The following FGGY variants were observed in gnomAD, a reference collection of about 807,000 sequenced individuals.
The protein encoded by FGGY is FGGY carbohydrate kinase domain-containing protein.
Under a neutral mutation model 71.3 loss-of-function variants are expected in FGGY, and 72 were observed. The ratio of observed to expected loss-of-function variants is 1.01; its 90% CI spans 0.84 to 1.23. The LOEUF is 1.23. Ranked by LOEUF, FGGY falls within the 50% of genes most tolerant of loss-of-function variation. FGGY has a pLI of 0.00. For synonymous variants in FGGY, 251 were observed against 250.3 expected (o/e 1.00, Z -0.02); for missense variants, 668 against 682.3 (o/e 0.98, Z 0.23).
At chr1:59,617,222 G>T (rs2096764617) in intron 9 of FGGY, among the ~76,000 whole-genome samples, 1 of 151,512 alleles carries the variant, frequency 6.6e-6, no homozygotes, top group Non-Finnish European at 1.5e-5. Context: ...GACGGGAAGT[G>T]AGAAAACAGA....
chr1:59,635,973 TG>T (rs1469954123), intron 10 of FGGY, among the ~76,000 whole-genome samples: 3 of 152,222 alleles, frequency 2.0e-5, no homozygotes, highest in Admixed American at 6.5e-5. Flanking sequence ...TGTATGTTAG[TG>T]GTACCTCCCC....
At chr1:59,690,937 GTCA>G (rs757586663) in intron 14 of FGGY, among the ~76,000 whole-genome samples, 1 of 152,228 alleles carries the variant, frequency 6.6e-6, no homozygotes, top group Non-Finnish European at 1.5e-5. Context: ...TGACTCCCCA[GTCA>G]TTAGAGTCTG....
chr1:59,628,300 A>G (rs1330534765), intron 10 of FGGY, among the ~76,000 whole-genome samples: 3 of 152,192 alleles, frequency 2.0e-5, no homozygotes, highest in Non-Finnish European at 2.9e-5. Flanking sequence ...TTCTTGCCCA[A>G]AATGATTAAA....
chr1:59,639,232 T>G (rs2096993246), intron 11 of FGGY, among the ~76,000 whole-genome samples: 1 of 152,264 alleles, frequency 6.6e-6, no homozygotes, highest in South Asian at 2.1e-4. Flanking sequence ...GCAGGCCTGA[T>G]GGAGTCAAGA....
intron 6 of FGGY, among the ~76,000 whole-genome samples, chr1:59,462,310 A>T (rs140284360): frequency 0.013 from 1,921 of 152,324 alleles, 33 homozygotes; most frequent in African/African-American, 0.043. Context: ...AGTTAATTCA[A>T]GGTGGATTAA....
intron 6 of FGGY, among the ~76,000 whole-genome samples, chr1:59,466,165 C>G (rs924047411): frequency 1.3e-5 from 2 of 152,122 alleles, no homozygotes; most frequent in African/African-American, 4.8e-5. Context: ...AGATATAGAC[C>G]AATGGAACAG....
chr1:59,496,006 C>A (rs1244594121), intron 6 of FGGY, among the ~76,000 whole-genome samples: 2 of 152,096 alleles, frequency 1.3e-5, no homozygotes, highest in Non-Finnish European at 2.9e-5. Flanking sequence ...ATAGTTTTTT[C>A]TAGTTCTGTG....
intron 6 of FGGY, among the ~76,000 whole-genome samples, chr1:59,496,506 G>A (rs1558125408): frequency 6.6e-6 from 1 of 152,108 alleles, no homozygotes. Context: ...GGAGAGAACA[G>A]TAGACACTGG....
At chr1:59,596,429 G>T (rs1571885591) in intron 8 of FGGY, among the ~76,000 whole-genome samples, 1 of 147,534 alleles carries the variant, frequency 6.8e-6, no homozygotes, top group East Asian at 2.0e-4. Flanking sequence ...CTATTTCCTT[G>T]CTTCTCCTTA....
intron 5 of FGGY, among the ~76,000 whole-genome samples, chr1:59,391,002 G>A (rs116011255): frequency 7.2e-5 from 11 of 152,254 alleles, no homozygotes; most frequent in South Asian, 4.1e-4. Context: ...ATTCAAACCC[G>A]TATAAGAGCC....
At chr1:59,300,317 G>A (rs77336939) in intron 1 of FGGY, among the ~76,000 whole-genome samples, 90 of 152,008 alleles carry the variant, frequency 5.9e-4, no homozygotes, top group African/African-American at 2.2e-3. Flanking sequence ...TCAATCTTTC[G>A]TCCATTTTAA....
intron 6 of FGGY, among the ~76,000 whole-genome samples, chr1:59,495,477 A>T (rs962290893): frequency 3.3e-5 from 5 of 151,862 alleles, no homozygotes; most frequent in Admixed American, 2.6e-4. Context: ...TTTATATCTA[A>T]GTCTTTAATC....
intron 8 of FGGY, among the ~76,000 whole-genome samples, chr1:59,570,287 G>A (rs187763203): frequency 1.8e-4 from 27 of 152,220 alleles, no homozygotes; most frequent in Non-Finnish European, 2.8e-4. Flanking sequence ...CATTGTTTCC[G>A]TAGTGCCTAG....
At chr1:59,663,571 C>T (rs539103416) in intron 12 of FGGY, among the ~76,000 whole-genome samples, 1 of 152,124 alleles carries the variant, frequency 6.6e-6, no homozygotes. Flanking sequence ...GAAAATCAAT[C>T]TTGTATTTAA....
intron 11 of FGGY, among the ~76,000 whole-genome samples, chr1:59,659,062 T>TGTG (rs1277270375): frequency 6.6e-6 from 1 of 152,010 alleles, no homozygotes; most frequent in Non-Finnish European, 1.5e-5. Flanking sequence ...ATTAGCCAGA[T>TGTG]GTGGTGGTAT....
intron 5 of FGGY, among the ~76,000 whole-genome samples, chr1:59,431,074 C>T (rs1189849465): frequency 6.6e-6 from 1 of 152,122 alleles, no homozygotes; most frequent in East Asian, 1.9e-4. Context: ...TCACTGGGAT[C>T]CATTGCCCTC....
intron 5 of FGGY, among the ~76,000 whole-genome samples, chr1:59,408,764 G>A (rs916946894): frequency 1.3e-5 from 2 of 152,154 alleles, no homozygotes; most frequent in Non-Finnish European, 2.9e-5. Flanking sequence ...TTTTGGGGCA[G>A]TCTGCATTCC....
chr1:59,349,020 T>A (rs1427397367), intron 4 of FGGY, among the ~76,000 whole-genome samples: 22 of 152,180 alleles, frequency 1.4e-4, no homozygotes, highest in Non-Finnish European at 1.5e-5. Context: ...AAAATTGGAA[T>A]ATAGAACTGT....
chr1:59,707,855 A>AAGCCTCTGTTT (rs2097767492), intron 14 of FGGY, among the ~76,000 whole-genome samples: 1 of 152,168 alleles, frequency 6.6e-6, no homozygotes, highest in South Asian at 2.1e-4. Flanking sequence ...GGCCTTCCCA[A>AAGCCTCTGTTT]AGCCTCTGTT....
Sources: allele counts gnomAD v4.1 joint callset (sites outside exome capture counted in the v4.1 genomes callset), GRCh38; gene constraint gnomAD v4.1.1; transcripts MANE v1.5; gene names NCBI Gene and HGNC (gene_info 2026-07-23, HGNC 2026-07-21).